PRIMA1: variants seen among roughly 807,000 people sequenced by gnomAD.
PRIMA1 encodes proline rich membrane anchor 1.
PRIMA1 carries 7 observed loss-of-function variants against 17.5 expected under a neutral mutation model. The observed-to-expected ratio is 0.40, with a 90% CI of 0.23 to 0.75. The LOEUF is 0.75. PRIMA1 is among the 30% of genes least tolerant of loss of function. The probability of loss-of-function intolerance (pLI) is 0.37; values close to 1 mark genes in which losing one functional copy is unlikely to be tolerated. For missense variants in PRIMA1, 200 were observed against 201.8 expected (o/e 0.99, Z 0.05); for synonymous variants, 97 against 77.9 (o/e 1.25, Z -1.29).
intron 3 of PRIMA1, among the ~76,000 whole-genome samples, chr14:93,762,719 T>C (rs6575355): frequency 0.58 from 87,677 of 151,944 alleles, 26,369 homozygotes; most frequent in African/African-American, 0.78. Flanking sequence ...AGATCGTTCC[T>C]GTCCTCAGCC....
At chr14:93,781,310 C>G (rs947098970) in intron 2 of PRIMA1, among the ~76,000 whole-genome samples, 2 of 152,218 alleles carry the variant, frequency 1.3e-5, no homozygotes. Context: ...GCTTCTAGAC[C>G]GGTGCCATTG....
At chr14:93,723,840 C>T (rs1303659784) in intron 4 of PRIMA1, among the ~76,000 whole-genome samples, 1 of 152,154 alleles carries the variant, frequency 6.6e-6, no homozygotes, top group Non-Finnish European at 1.5e-5. Flanking sequence ...GGGCCTGGAC[C>T]ACCACCCACT....
intron 4 of PRIMA1, among the ~76,000 whole-genome samples, chr14:93,734,686 A>G (rs937875706): frequency 2.0e-5 from 3 of 151,040 alleles, no homozygotes; most frequent in Non-Finnish European, 4.4e-5. Context: ...AGCCCCGCCC[A>G]CACCACATAA....
intron 3 of PRIMA1, among the ~76,000 whole-genome samples, chr14:93,746,723 G>A (rs1260718812): frequency 6.6e-6 from 1 of 152,196 alleles, no homozygotes; most frequent in African/African-American, 2.4e-5. Flanking sequence ...CTAGCAGCGA[G>A]ATGGCGGGGC....
intron 3 of PRIMA1, among the ~76,000 whole-genome samples, chr14:93,778,244 C>A (rs1173827930): frequency 6.6e-6 from 1 of 152,156 alleles, no homozygotes; most frequent in Non-Finnish European, 1.5e-5. Context: ...TGAAGCAGGT[C>A]ATTTGAGGGC....
At chr14:93,738,126 TGGAAAA>T (rs1051256622) in intron 3 of PRIMA1, among the ~76,000 whole-genome samples, 1 of 152,160 alleles carries the variant, frequency 6.6e-6, no homozygotes, top group African/African-American at 2.4e-5. Context: ...GGTCAAAATT[TGGAAAA>T]GTGTCACTGA....
intron 3 of PRIMA1, among the ~76,000 whole-genome samples, chr14:93,752,906 G>A (rs1399433912): frequency 6.6e-6 from 1 of 152,206 alleles, no homozygotes; most frequent in Non-Finnish European, 1.5e-5. Context: ...TCGACATCGT[G>A]GACAATTTGG....
intron 3 of PRIMA1, among the ~76,000 whole-genome samples, chr14:93,738,380 A>G (rs1200455428): frequency 1.3e-5 from 2 of 152,280 alleles, no homozygotes; most frequent in East Asian, 3.9e-4. Context: ...GAATTGCAAA[A>G]GGAATGGGAG....
rs76357937 is a variant in PRIMA1, at chr14:93,766,679, C to T, written c.229+12497G>A. Among the ~76,000 whole-genome samples, 893 of 152,268 alleles carry T rather than the reference C, an allele frequency of 5.9e-3. 6 individuals carry two copies. The highest frequency in any genetic ancestry group is 0.02 in the African/African-American group (843 of 41,550). ...AAACCTTTGGTAAACAAATTGCAGA[C>T]GCTCCTCAGCCCTGAAGGTGAATGA... On this transcript the variant is annotated intron_variant, in intron 3 of 4. Transcript: ENST00000393140.
chr14:93,742,318 A>G (rs1284656120), intron 3 of PRIMA1, among the ~76,000 whole-genome samples: 2 of 152,244 alleles, frequency 1.3e-5, no homozygotes, highest in African/African-American at 2.4e-5. Context: ...GGCCAGCTCC[A>G]TAAGTTGGAG....
chr14:93,784,119 T>A (rs1885457487), intron 2 of PRIMA1, among the ~76,000 whole-genome samples: 2 of 152,360 alleles, frequency 1.3e-5, no homozygotes, highest in Admixed American at 6.5e-5. Context: ...CTATTACATC[T>A]GAATTTCAGA....
intron 3 of PRIMA1, among the ~76,000 whole-genome samples, chr14:93,764,898 T>C: frequency 6.6e-6 from 1 of 152,168 alleles, no homozygotes; most frequent in East Asian, 1.9e-4. Flanking sequence ...GGACCAGCTC[T>C]TAATTGTGCC....
chr14:93,749,049 C>T (rs1206355318), intron 3 of PRIMA1, among the ~76,000 whole-genome samples: 1 of 152,114 alleles, frequency 6.6e-6, no homozygotes, highest in African/African-American at 2.4e-5. Flanking sequence ...CCAAATAGCC[C>T]TCTTTGTTAG....
upstream of PRIMA1, chr14:93,788,598 A>G (rs1331004721): frequency 6.6e-6 from 1 of 151,870 alleles, no homozygotes; most frequent in Non-Finnish European, 1.5e-5. Context: ...GGGGCTTCAC[A>G]TGCCGGGGAG....
At chr14:93,766,328 TC>T (rs749971160) in intron 3 of PRIMA1, among the ~76,000 whole-genome samples, 5 of 152,070 alleles carry the variant, frequency 3.3e-5, no homozygotes, top group Admixed American at 6.5e-5. Context: ...CCCACAGCCT[TC>T]CCTTGGTGGT....
intron 2 of PRIMA1, among the ~76,000 whole-genome samples, chr14:93,785,862 GCA>G (rs145213560): frequency 4.6e-5 from 7 of 150,944 alleles, no homozygotes; most frequent in Non-Finnish European, 1.0e-4. Flanking sequence ...AAATACACCC[GCA>G]CACACACACA....
chr14:93,727,272 A>AGAGAGGG (rs1336835575), intron 4 of PRIMA1, among the ~76,000 whole-genome samples: 2 of 152,198 alleles, frequency 1.3e-5, no homozygotes. Context: ...CGAGGGGAGC[A>AGAGAGGG]GAGAGGGGTC....
At chr14:93,773,834 C>G (rs954104486) in intron 3 of PRIMA1, among the ~76,000 whole-genome samples, 3 of 152,192 alleles carry the variant, frequency 2.0e-5, no homozygotes, top group African/African-American at 7.2e-5. Flanking sequence ...TGGCTCACAC[C>G]TGTAATCCCA....
At chr14:93,758,287 G>A (rs1378317964) in intron 3 of PRIMA1, among the ~76,000 whole-genome samples, 1 of 152,092 alleles carries the variant, frequency 6.6e-6, no homozygotes, top group African/African-American at 2.4e-5. Context: ...AAAAGTTCCA[G>A]TGAAATATTG....
Sources: allele counts gnomAD v4.1 joint callset (sites outside exome capture counted in the v4.1 genomes callset), GRCh38; gene constraint gnomAD v4.1.1; transcripts MANE v1.5; gene names NCBI Gene and HGNC (gene_info 2026-07-23, HGNC 2026-07-21).